The following ZNF382 variants were observed in gnomAD, a reference collection of about 807,000 sequenced individuals.
ZNF382 encodes zinc finger protein 382.
In ZNF382, 20 loss-of-function variants were observed where a neutral mutation model predicts 38.8. That is an observed-to-expected ratio of 0.51 (90% CI 0.36 to 0.75). ZNF382 has a LOEUF of 0.75. Among genes scored for constraint, ZNF382 ranks in the 30% least tolerant of loss-of-function variants. The probability of loss-of-function intolerance (pLI) is 0.00; values close to 1 mark genes in which losing one functional copy is unlikely to be tolerated. For synonymous variants in ZNF382, 202 were observed against 223.1 expected (o/e 0.91, Z 0.84); for missense variants, 546 against 654.1 (o/e 0.83, Z 1.80).
Position 36,607,273 on chromosome 19 carries a change from A to T in ZNF382, c.-84-279A>T, listed in dbSNP as rs578097427. 9.9e-4 allele frequency among the ~76,000 whole-genome samples: 151 copies of T among 152,252 alleles called. 1 individual carries two copies. Among genetic ancestry groups the T allele is most frequent in the Non-Finnish European group, 1.0e-3 (68 of 68,012 alleles). ...CTGTGGTTAGAGGTAGATGGAAGGC[A>T]GAGCTGCAGAGGGAAAAACACAGTG... is the stretch of plus-strand genomic sequence containing the variant. On this transcript the variant is annotated intron_variant, in intron 1 of 4. Coordinates refer to ENST00000292928, the MANE Select transcript of ZNF382 (RefSeq NM_032825.5).
At chr19:36,624,760 A>G (rs2037196467) in intron 4 of ZNF382, among the ~76,000 whole-genome samples, 1 of 152,106 alleles carries the variant, frequency 6.6e-6, no homozygotes, top group Non-Finnish European at 1.5e-5. Context: ...AATAAATTGA[A>G]TAAATTGATG....
In ZNF382 at chr19:36,627,118, G is replaced by A. The variant is rs780590866; in HGVS notation, c.1221G>A (p.Pro407=). The A allele has an allele frequency of 9.9e-6, 16 of 1,612,990 alleles. No individual in the cohort carries two copies. Among genetic ancestry groups the A allele is most frequent in the South Asian group, 5.5e-5 (5 of 91,004 alleles). The change falls in exon 5 of 5, where the codon CCG becomes CCA. Residue 407 remains proline, a synonymous_variant. Coordinates refer to ENST00000292928, the MANE Select transcript of ZNF382 (RefSeq NM_032825.5). ...AGAGAACTCACACAGGAGAGAAACCGTATCAGTGTAATGAGTGTGGGAAGG... is the reference window on the plus strand; with the variant it reads ...AGAGAACTCACACAGGAGAGAAACCATATCAGTGTAATGAGTGTGGGAAGG... ...DHQRTHTGEK[P]YQCNECGKAF...
intron 1 of ZNF382, 65 bp from the exon 2 acceptor site, chr19:36,607,487 A>G: frequency 1.0e-6 from 1 of 955,796 alleles, no homozygotes; most frequent in Non-Finnish European, 1.6e-6. Flanking sequence ...TAACTGAGTT[A>G]ATTCTGGGAG....
Position 36,630,940 on chromosome 19 carries a change from C to A in ZNF382, c.*3390C>A, listed in dbSNP as rs1193854534. The stretch of plus-strand genomic sequence containing the variant: ...GCTAGGACTACAGGCAGGCGCCATT[C>A]CTCTCAGCTAATGTTTTTATTTTTT... On this transcript the variant is annotated 3_prime_UTR_variant, in exon 5 of 5. Transcript: ENST00000292928. The A allele has an allele frequency of 2.0e-5, 3 of 151,726 alleles. No homozygotes were observed. The East Asian group carries it at 5.8e-4, about 30-fold the overall frequency. 9.4% of individuals were successfully genotyped at this position (151,726 alleles called of 1,614,324 possible).
chr19:36,623,695 G>A (rs965903005), intron 4 of ZNF382, among the ~76,000 whole-genome samples: 1 of 151,842 alleles, frequency 6.6e-6, no homozygotes, highest in South Asian at 2.1e-4. Flanking sequence ...TCAGGAGGTC[G>A]AGGCATGAGA....
chr19:36,625,706 T>C (rs2145335200), intron 4 of ZNF382, among the ~76,000 whole-genome samples: 1 of 152,176 alleles, frequency 6.6e-6, no homozygotes, highest in East Asian at 1.9e-4. Context: ...ATTACAGGCA[T>C]GTACCACCAT....
At chr19:36,609,869 T>C in intron 2 of ZNF382, 33 bp from the exon 3 acceptor site, 1 of 1,548,774 alleles carries the variant, frequency 6.5e-7, no homozygotes, top group East Asian at 2.3e-5. Context: ...AGGTCTCCAA[T>C]ATCTAGTTCT....
intron 4 of ZNF382, among the ~76,000 whole-genome samples, chr19:36,614,106 G>A (rs909066627): frequency 6.6e-6 from 1 of 152,030 alleles, no homozygotes; most frequent in Non-Finnish European, 1.5e-5. Flanking sequence ...TTGGGAGGCC[G>A]AGGCGGGCGG....
chr19:36,627,567 T>G lies in ZNF382; in HGVS notation c.*17T>G, dbSNP rs773682541. ...ATTCAGTAAGTAATGTGGCTTTTTT[T>G]GTAAAAAAATGTTAAGTCATAGTAA... On this transcript the variant is annotated 3_prime_UTR_variant, in exon 5 of 5. Transcript: ENST00000292928. 4.1e-5 allele frequency: 65 copies of G among 1,568,530 alleles called. No homozygotes were observed. Among genetic ancestry groups the G allele is most frequent in the Non-Finnish European group, 5.4e-5 (62 of 1,144,922 alleles).
rs370850208 is a variant in ZNF382 at position 36,627,446 on chromosome 19, G to A, written c.1549G>A (p.Glu517Lys). 6.8e-6 allele frequency: 11 copies of A among 1,614,036 alleles called. No homozygotes were observed. The African/African-American group carries it at 8.0e-5, about 12-fold the overall frequency. ...TCGCCATCAGAAAACTCACACAGGCGAGAAACCATATGAATGTAAACAGTG... is the reference window on the plus strand; with the variant it reads ...TCGCCATCAGAAAACTCACACAGGCAAGAAACCATATGAATGTAAACAGTG... ...LIRHQKTHTG[E>K]KPYECKQCGK... Residue 517 changes from glutamate to lysine, a missense_variant, in exon 5 of 5, where the codon GAG becomes AAG. Glu to Lys is a moderately conservative substitution (Grantham distance 56). Coordinates refer to ENST00000292928, the MANE Select transcript of ZNF382 (RefSeq NM_032825.5).
chr19:36,618,911 A>G (rs936940747), intron 4 of ZNF382, among the ~76,000 whole-genome samples: 4 of 152,052 alleles, frequency 2.6e-5, no homozygotes, highest in African/African-American at 9.7e-5. Flanking sequence ...GGTGGCGCCC[A>G]CCTGTAATTC....
chr19:36,612,990 A>G (rs558365581), intron 4 of ZNF382, among the ~76,000 whole-genome samples: 47 of 152,120 alleles, frequency 3.1e-4, no homozygotes, highest in African/African-American at 1.1e-3. Context: ...ACGGGGTTTC[A>G]TCATTTTGGC....
chr19:36,608,515 G>A (rs1323660091), intron 2 of ZNF382: 1 of 152,046 alleles, frequency 6.6e-6, no homozygotes, highest in African/African-American at 2.4e-5. Context: ...TTCCTCTTTA[G>A]CTCATCCACC....
At chr19:36,623,872 C>T (rs2037189097) in intron 4 of ZNF382, among the ~76,000 whole-genome samples, 1 of 150,894 alleles carries the variant, frequency 6.6e-6, no homozygotes, top group Admixed American at 6.6e-5. Flanking sequence ...GGGTGGATTA[C>T]AAGGTCGGGA....
rs1448081994 is a variant in ZNF382 at position 36,627,150 on chromosome 19, T to C, written c.1253T>C (p.Ile418Thr). 1.9e-6 allele frequency: 3 copies of C among 1,613,322 alleles called. No individual in the cohort carries two copies. The highest frequency in any genetic ancestry group is 1.1e-5 in the South Asian group (1 of 91,018). Residue 418 changes from isoleucine to threonine, a missense_variant, in exon 5 of 5, where the codon ATC (isoleucine) becomes ACC (threonine). Transcript: ENST00000292928. The part of the protein sequence containing the change: ...YQCNECGKAF[I>T]QKTTLTVHQR... ...TGTAATGAGTGTGGGAAGGCATTTA[T>C]CCAGAAGACAACCCTCACTGTTCAT...
chr19:36,609,653 G>T (rs551442125), intron 2 of ZNF382: 6 of 316,828 alleles, frequency 1.9e-5, no homozygotes, highest in African/African-American at 1.3e-4. Flanking sequence ...CCCTCTCTTA[G>T]CCTATAACTT....
At chr19:36,610,545 A>G in intron 3 of ZNF382, 105 bp from the exon 4 acceptor site, 2 of 772,324 alleles carry the variant, frequency 2.6e-6, no homozygotes, top group Admixed American at 2.5e-5. Flanking sequence ...TTGGTAAGAC[A>G]TTAATGTATA....
chr19:36,634,067 A>T lies in ZNF382; in HGVS notation c.*6517A>T, dbSNP rs2037271218. On this transcript the variant is annotated 3_prime_UTR_variant, in exon 5 of 5. Coordinates refer to ENST00000292928, the MANE Select transcript of ZNF382 (RefSeq NM_032825.5). ...GTATACATACAAAAAAGTGAATTGT[A>T]CTGTCTGTAATTTTTTTAAATAAAT... 1 of 152,178 alleles carries T rather than the reference A, an allele frequency of 6.6e-6. No homozygotes were observed. 9.4% of individuals were successfully genotyped at this position (152,178 alleles called of 1,614,324 possible).
intron 4 of ZNF382, among the ~76,000 whole-genome samples, chr19:36,618,238 C>G (rs1383148647): frequency 6.6e-6 from 1 of 152,128 alleles, no homozygotes; most frequent in Admixed American, 6.6e-5. Flanking sequence ...ATATTGGGAC[C>G]AAGGTTTTAA....
Sources: allele counts gnomAD v4.1 joint callset (sites outside exome capture counted in the v4.1 genomes callset), GRCh38; gene constraint gnomAD v4.1.1; transcripts MANE v1.5; gene names NCBI Gene and HGNC (gene_info 2026-07-23, HGNC 2026-07-21).